The following RCAN2 variants were observed in gnomAD, a reference collection of about 807,000 sequenced individuals.
RCAN2 encodes calcipressin-2.
Under a neutral mutation model 23.6 loss-of-function variants are expected in RCAN2, and 9 were observed. That is an observed-to-expected ratio of 0.38 (90% CI 0.23 to 0.67). The LOEUF is 0.67. Ranked by LOEUF, RCAN2 falls within the 30% of genes least tolerant of loss-of-function variation. The probability of loss-of-function intolerance (pLI) is 0.51; values close to 1 mark genes in which losing one functional copy is unlikely to be tolerated. For synonymous variants in RCAN2, 109 were observed against 115.7 expected, an observed-to-expected ratio of 0.94 and a Z score of 0.37; for missense variants, 273 against 302.3, an observed-to-expected ratio of 0.90 and a Z score of 0.72.
intron 4 of RCAN2, among the ~76,000 whole-genome samples, chr6:46,228,436 T>C (rs1244769697): frequency 6.6e-6 from 1 of 152,210 alleles, no homozygotes; most frequent in African/African-American, 2.4e-5. Flanking sequence ...TGTAAGGACT[T>C]GCTTTATGAA....
rs1764724428 is a variant in RCAN2 at position 46,353,458 on chromosome 6, A to G, written c.225+103294T>C. Among the ~76,000 whole-genome samples the G allele has an allele frequency of 2.0e-5, 3 of 152,208 alleles. No homozygotes were observed. In the South Asian group the frequency reaches 6.2e-4, roughly 31 times the overall value. ...GACAGATCCTGCACAGACAATCCTT[A>G]GTAAATAAATTCCAAAAGTATCTTG... On this transcript the variant is annotated intron_variant, in intron 2 of 4. Transcript: ENST00000371374.
chr6:46,341,324 T>A (rs1764311921), intron 2 of RCAN2, among the ~76,000 whole-genome samples: 1 of 152,182 alleles, frequency 6.6e-6, no homozygotes, highest in Admixed American at 6.5e-5. Flanking sequence ...TTGGCTTCCC[T>A]GGGCCACATT....
chr6:46,385,344 A>G (rs1765712911), intron 2 of RCAN2, among the ~76,000 whole-genome samples: 2 of 152,214 alleles, frequency 1.3e-5, no homozygotes, highest in Admixed American at 6.5e-5. Context: ...GCCCTGCTCC[A>G]AATTTGCATC....
chr6:46,427,029 T>C (rs541137598), intron 2 of RCAN2, among the ~76,000 whole-genome samples: 3 of 152,266 alleles, frequency 2.0e-5, no homozygotes, highest in Non-Finnish European at 2.9e-5. Context: ...CCTAGGGTCA[T>C]TGGGAATAAT....
Position 46,262,195 on chromosome 6 carries a change from A to G in RCAN2, c.226-13299T>C, listed in dbSNP as rs139840425. ...GGCCTCTAAATCTGCCACTCATCCT[A>G]TCACAACAAATGGCCCCCTCTACCC... On this transcript the variant is annotated intron_variant, in intron 2 of 4. Transcript: ENST00000371374. 2.1e-3 allele frequency among the ~76,000 whole-genome samples: 324 copies of G among 152,082 alleles called. 2 individuals carry two copies. The highest frequency in any genetic ancestry group is 7.4e-3 in the African/African-American group (307 of 41,458).
chr6:46,324,360 C>T (rs1763720673), intron 2 of RCAN2, among the ~76,000 whole-genome samples: 1 of 152,196 alleles, frequency 6.6e-6, no homozygotes, highest in African/African-American at 2.4e-5. Flanking sequence ...ATGACATAGC[C>T]ATGTGCTATG....
chr6:46,323,728 T>C (rs1282725533), intron 2 of RCAN2, among the ~76,000 whole-genome samples: 1 of 152,244 alleles, frequency 6.6e-6, no homozygotes, highest in Non-Finnish European at 1.5e-5. Flanking sequence ...TTGTATCCTC[T>C]TAATTCCACA....
At chr6:46,314,041 A>G (rs1308966792) in intron 2 of RCAN2, among the ~76,000 whole-genome samples, 1 of 152,054 alleles carries the variant, frequency 6.6e-6, no homozygotes, top group African/African-American at 2.4e-5. Flanking sequence ...GTTTTTTAGT[A>G]TCGGAATTGT....
Position 46,423,512 on chromosome 6 carries a change from A to G in RCAN2, c.225+33240T>C, listed in dbSNP as rs186372449. On this transcript the variant is annotated intron_variant, in intron 2 of 4. Transcript: ENST00000371374. ...TGAGCTCTTTCCTCTTCCTTGGTATAATATGGACTTATTAGCTCGAGAATA... is the reference window on the plus strand; with the variant it reads ...TGAGCTCTTTCCTCTTCCTTGGTATGATATGGACTTATTAGCTCGAGAATA... 7.9e-5 allele frequency among the ~76,000 whole-genome samples: 12 copies of G among 152,328 alleles called. No individual in the cohort carries two copies. The East Asian group carries it at 1.9e-3, about 24-fold the overall frequency.
chr6:46,307,477 GAAAAA>G (rs1216129255), intron 2 of RCAN2, among the ~76,000 whole-genome samples: 3 of 151,972 alleles, frequency 2.0e-5, no homozygotes, highest in African/African-American at 7.2e-5. Flanking sequence ...GGTGGTGGCT[GAAAAA>G]AATGAACCTC....
intron 2 of RCAN2, among the ~76,000 whole-genome samples, chr6:46,365,677 A>G (rs998414680): frequency 1.3e-5 from 2 of 152,056 alleles, no homozygotes; most frequent in Non-Finnish European, 2.9e-5. Context: ...AGCATTTAAG[A>G]TCTCATTTTA....
intron 2 of RCAN2, among the ~76,000 whole-genome samples, chr6:46,339,039 A>AAAAAAAAAT (rs1764226354): frequency 6.7e-6 from 1 of 148,900 alleles, no homozygotes; most frequent in Non-Finnish European, 1.5e-5. Context: ...AAAAAAAAAA[A>AAAAAAAAAT]GAATTAAAGG....
At chr6:46,303,544 C>T (rs1762974232) in intron 2 of RCAN2, among the ~76,000 whole-genome samples, 1 of 151,908 alleles carries the variant, frequency 6.6e-6, no homozygotes, top group African/African-American at 2.4e-5. Flanking sequence ...CAATCTTGTC[C>T]CTTCTTAAAT....
At chr6:46,408,405 C>A (rs1766466426) in intron 2 of RCAN2, among the ~76,000 whole-genome samples, 1 of 152,202 alleles carries the variant, frequency 6.6e-6, no homozygotes, top group African/African-American at 2.4e-5. Context: ...CGGGGACTAA[C>A]TAGCTGAGCA....
chr6:46,347,754 A>AAAACAAAC (rs148499814), intron 2 of RCAN2, among the ~76,000 whole-genome samples: 2 of 151,684 alleles, frequency 1.3e-5, no homozygotes, highest in African/African-American at 4.8e-5. Flanking sequence ...AACAAAAACA[A>AAAACAAAC]AAACAAACAA....
intron 2 of RCAN2, among the ~76,000 whole-genome samples, chr6:46,284,090 A>AT (rs960064201): frequency 7.9e-5 from 12 of 151,946 alleles, no homozygotes; most frequent in Admixed American, 2.0e-4. Context: ...ATACTTGATA[A>AT]TTTTTTTTTA....
intron 2 of RCAN2, among the ~76,000 whole-genome samples, chr6:46,384,328 C>T (rs570347923): frequency 2.6e-5 from 4 of 152,274 alleles, no homozygotes; most frequent in Admixed American, 1.3e-4. Context: ...CTGACTGGAC[C>T]TTGACCAATA....
At chr6:46,324,118 C>T (rs902611607) in intron 2 of RCAN2, among the ~76,000 whole-genome samples, 25 of 152,306 alleles carry the variant, frequency 1.6e-4, no homozygotes, top group South Asian at 8.3e-4. Context: ...TATGGAAGTA[C>T]GACTGGCAGG....
chr6:46,394,175 G>C (rs1337406514), intron 2 of RCAN2, among the ~76,000 whole-genome samples: 2 of 152,200 alleles, frequency 1.3e-5, no homozygotes, highest in Non-Finnish European at 2.9e-5. Context: ...TTTAGTAGGA[G>C]TGATACTGTG....
Sources: gnomAD v4.1 joint callset for allele counts (sites outside exome capture counted in the v4.1 genomes callset) on GRCh38, gnomAD v4.1.1 for gene constraint, MANE v1.5 for transcripts, NCBI Gene and HGNC (gene_info 2026-07-23, HGNC 2026-07-21) for gene names.